The following SCAND3 variants were observed in gnomAD, a reference collection of about 807,000 sequenced individuals.
SCAND3 encodes SCAN domain-containing protein 3.
chr6:28,576,218 C>T, the SCAND3 span: 4 of 1,104,382 alleles, frequency 3.6e-6, no homozygotes, highest in South Asian at 1.7e-5. Flanking sequence ...GCCAGTAGTG[C>T]TTGAGGTAGA....
At chr6:28,595,000 T>A in the SCAND3 span, among the ~76,000 whole-genome samples, 7 of 151,366 alleles carry the variant, frequency 4.6e-5, no homozygotes, top group Non-Finnish European at 1.0e-4. Context: ...GACAATAATT[T>A]AAAAAGTGAA....
the SCAND3 span, among the ~76,000 whole-genome samples, chr6:28,599,622 G>T: frequency 3.3e-5 from 5 of 152,150 alleles, no homozygotes; most frequent in Non-Finnish European, 7.4e-5. Flanking sequence ...CTCTTCTCTT[G>T]TCTGCCACCA....
the SCAND3 span, chr6:28,571,238 C>G: frequency 1.3e-5 from 2 of 152,168 alleles, no homozygotes; most frequent in Admixed American, 6.5e-5. Flanking sequence ...CACTTGAACC[C>G]AGGAGGTACA....
the SCAND3 span, chr6:28,586,378 C>T: frequency 6.2e-7 from 1 of 1,614,032 alleles, no homozygotes; most frequent in African/African-American, 1.3e-5. This position sits in a 1 kb window ranked among gnomAD's most constrained non-coding sequence, Gnocchi z 4.4. Flanking sequence ...GGATTATGCT[C>T]CCGCACCCAA....
the SCAND3 span, chr6:28,573,253 T>C: frequency 6.2e-7 from 1 of 1,614,148 alleles, no homozygotes; most frequent in Non-Finnish European, 8.5e-7. Context: ...AGCCAGTTCC[T>C]GAATACGTCG....
the SCAND3 span, chr6:28,574,593 T>C: frequency 6.8e-7 from 1 of 1,479,424 alleles, no homozygotes; most frequent in Non-Finnish European, 9.3e-7. Context: ...CACAGTACAC[T>C]GTAATGAGAT....
the SCAND3 span, chr6:28,576,107 G>C: frequency 1.3e-6 from 2 of 1,585,424 alleles, no homozygotes. Flanking sequence ...CCCATGCTTT[G>C]AGACATCATG....
At chr6:28,607,150 G>A in the SCAND3 span, among the ~76,000 whole-genome samples, 6 of 152,222 alleles carry the variant, frequency 3.9e-5, no homozygotes, top group Admixed American at 3.9e-4. Flanking sequence ...CAACCTGTCT[G>A]TGGTTGGGGG....
the SCAND3 span, chr6:28,574,534 CA>C: frequency 2.5e-5 from 23 of 925,858 alleles, no homozygotes; most frequent in Admixed American, 2.1e-4. Context: ...GAAATATATC[CA>C]AGGTAATAAA....
chr6:28,586,552 T>C, the SCAND3 span: 1 of 1,614,248 alleles, frequency 6.2e-7, no homozygotes, highest in South Asian at 1.1e-5. This position sits in a 1 kb window ranked among gnomAD's most constrained non-coding sequence, Gnocchi z 4.4. Context: ...CAGAACTGCC[T>C]GAAGCGCTGA....
the SCAND3 span, among the ~76,000 whole-genome samples, chr6:28,610,005 A>G: frequency 2.8e-4 from 43 of 152,234 alleles, no homozygotes; most frequent in Admixed American, 9.2e-4. Context: ...TGGGCTGATC[A>G]CTTGAGTTTG....
chr6:28,574,620 T>C, the SCAND3 span: 1 of 1,588,388 alleles, frequency 6.3e-7, no homozygotes, highest in Non-Finnish European at 8.6e-7. Flanking sequence ...CCTGCTTTCA[T>C]CTACGGCAGA....
the SCAND3 span, chr6:28,597,914 G>A: frequency 6.6e-6 from 1 of 152,186 alleles, no homozygotes; most frequent in African/African-American, 2.4e-5. Flanking sequence ...GGACAGCAAA[G>A]AGACGCTTTC....
the SCAND3 span, among the ~76,000 whole-genome samples, chr6:28,581,571 T>A: frequency 6.6e-6 from 1 of 152,238 alleles, no homozygotes; most frequent in Non-Finnish European, 1.5e-5. Flanking sequence ...TGTCTTCATA[T>A]TTCTGCTCTG....
chr6:28,582,747 CA>C, the SCAND3 span, among the ~76,000 whole-genome samples: 1 of 151,632 alleles, frequency 6.6e-6, no homozygotes, highest in Non-Finnish European at 1.5e-5. The surrounding 1 kb of genome is among the most constrained non-coding windows in gnomAD (Gnocchi z 4.8). Context: ...ATGGTGAAGC[CA>C]CGTCTCTACT....
chr6:28,572,504 T>C, the SCAND3 span: 3 of 1,613,380 alleles, frequency 1.9e-6, no homozygotes, highest in East Asian at 4.5e-5. The surrounding 1 kb of genome is among the most constrained non-coding windows in gnomAD (Gnocchi z 4.1). Context: ...TTATCTGCCA[T>C]TGAAAAATAA....
At chr6:28,614,473 C>CT in the SCAND3 span, among the ~76,000 whole-genome samples, 12 of 151,122 alleles carry the variant, frequency 7.9e-5, no homozygotes, top group East Asian at 2.0e-4. Context: ...TTTTTCTTTT[C>CT]TTTTTTTTGG....
the SCAND3 span, among the ~76,000 whole-genome samples, chr6:28,586,001 T>A: frequency 9.2e-5 from 14 of 152,306 alleles, no homozygotes; most frequent in East Asian, 5.8e-4. This position sits in a 1 kb window ranked among gnomAD's most constrained non-coding sequence, Gnocchi z 4.4. Flanking sequence ...AGTAATTTTT[T>A]AAAAAAAATT....
At chr6:28,571,783 C>G in the SCAND3 span, 1 of 1,213,146 alleles carries the variant, frequency 8.2e-7, no homozygotes, top group Non-Finnish European at 1.1e-6. Flanking sequence ...TGCTGTTTCA[C>G]TCATAACTTC....
Sources: allele counts gnomAD v4.1 joint callset (sites outside exome capture counted in the v4.1 genomes callset), GRCh38; gene constraint gnomAD v4.1.1; non-coding constraint Gnocchi (gnomAD v3.1); transcripts MANE v1.5; gene names NCBI Gene and HGNC (gene_info 2026-07-23, HGNC 2026-07-21).